The following GRIA3 variants were observed in gnomAD, a reference collection of about 807,000 sequenced individuals.
GRIA3 encodes the protein glutamate receptor 3.
A neutral mutation model predicts 63.0 loss-of-function variants in GRIA3; 3 were observed. The observed-to-expected ratio is 0.05, with a 90% CI of 0.02 to 0.12. The LOEUF (loss-of-function observed/expected upper bound fraction) is 0.12, where lower values mean the gene tolerates loss of function less well. Ranked by LOEUF, GRIA3 falls within the 10% of genes least tolerant of loss-of-function variation. GRIA3 has a pLI of 1.00. For missense variants in GRIA3, 347 were observed against 700.9 expected (o/e 0.50, Z 5.70); for synonymous variants, 274 against 257.9 (o/e 1.06, Z -0.60).
intron 2 of GRIA3, among the ~76,000 whole-genome samples, chrX:123,211,243 C>T (rs751241076): frequency 2.9e-4 from 32 of 111,378 alleles, no homozygotes; most frequent in African/African-American, 9.8e-4. Context: ...ATTTTAGGTG[C>T]TATACGTGAT....
At chrX:123,414,511 T>G (rs2045524798) in intron 10 of GRIA3, among the ~76,000 whole-genome samples, 2 of 111,423 alleles carry the variant, frequency 1.8e-5, no homozygotes, top group South Asian at 3.8e-4. Context: ...CCATGTTGGT[T>G]TGCTGCACCA....
intron 2 of GRIA3, among the ~76,000 whole-genome samples, chrX:123,186,867 C>T (rs984258739): frequency 2.7e-5 from 3 of 111,641 alleles, no homozygotes; most frequent in African/African-American, 9.8e-5. Context: ...TTAGTTGTAC[C>T]GGGTGATTAT....
intron 5 of GRIA3, among the ~76,000 whole-genome samples, chrX:123,392,376 G>T (rs753311625): frequency 1.8e-5 from 2 of 111,396 alleles, no homozygotes; most frequent in Non-Finnish European, 3.8e-5. Flanking sequence ...AGGGGCTGTT[G>T]GGCCCCTGGT....
intron 3 of GRIA3, among the ~76,000 whole-genome samples, chrX:123,311,760 G>A (rs761107148): frequency 1.7e-4 from 19 of 111,943 alleles, no homozygotes; most frequent in African/African-American, 5.8e-4. Flanking sequence ...GTATCCCTGT[G>A]AGCCTGAAAA....
Position 123,291,436 on chromosome X carries a change from C to A in GRIA3, c.509-34590C>A, listed in dbSNP as rs918674245. 7.5e-4 allele frequency among the ~76,000 whole-genome samples: 83 copies of A among 110,551 alleles called. 1 individual carries two copies. Among genetic ancestry groups the A allele is most frequent in the Non-Finnish European group, 3.8e-4 (20 of 52,733 alleles). On this transcript the variant is annotated intron_variant, in intron 3 of 15. Transcript: ENST00000620443. ...CTACTGAGAGAGGGAGAGAAGAAGG[C>A]AAGAGTTGAAAAACTGTTGGGTGCT...
chrX:123,429,239 C>T (rs2045605156), intron 12 of GRIA3, among the ~76,000 whole-genome samples: 1 of 112,104 alleles, frequency 8.9e-6, no homozygotes, highest in Non-Finnish European at 1.9e-5. Context: ...TACATTTCTA[C>T]ATGTATTATC....
rs777574280 is a variant in GRIA3, at chrX:123,465,044, G to A, written c.2256G>A (p.Thr752=). 1.1e-5 allele frequency: 13 copies of A among 1,206,712 alleles called. No individual in the cohort carries two copies. Among genetic ancestry groups the A allele is most frequent in the African/African-American group, 7.0e-5 (4 of 56,894 alleles). Residue 752 remains threonine (T), a synonymous_variant, in exon 13 of 16, where the codon ACG becomes ACA. Coordinates refer to ENST00000620443, the MANE Select transcript of GRIA3 (RefSeq NM_007325.5). ...EYIEQRKPCD[T]MKVGGNLDSK... ...TTGAGCAGAGAAAACCATGTGATACGATGAAAGTTGGTGGAAATCTGGATT... is the reference window on the plus strand; with the variant it reads ...TTGAGCAGAGAAAACCATGTGATACAATGAAAGTTGGTGGAAATCTGGATT...
At chrX:123,426,702 C>G (rs758355950) in intron 11 of GRIA3, among the ~76,000 whole-genome samples, 2 of 112,355 alleles carry the variant, frequency 1.8e-5, no homozygotes, top group East Asian at 5.6e-4. Context: ...TGCATTTTAA[C>G]AAACACCTCA....
chrX:123,353,780 G>A (rs1032068768), intron 4 of GRIA3, among the ~76,000 whole-genome samples: 1 of 111,165 alleles, frequency 9.0e-6, no homozygotes, highest in African/African-American at 3.3e-5. Context: ...ACAAAACCTG[G>A]TTCCACCTCT....
chrX:123,484,990 T>C (rs1161101619), intron 15 of GRIA3, among the ~76,000 whole-genome samples: 2 of 112,774 alleles, frequency 1.8e-5, no homozygotes, highest in African/African-American at 6.4e-5. Context: ...TCCCATTGCA[T>C]TGGTGGATGT....
intron 12 of GRIA3, among the ~76,000 whole-genome samples, chrX:123,447,696 G>T (rs2045710104): frequency 8.9e-6 from 1 of 111,852 alleles, no homozygotes. Context: ...TCTGTTTGGG[G>T]CTTTTGGTAT....
chrX:123,358,791 A>G (rs1376536103), intron 5 of GRIA3: 2 of 111,934 alleles, frequency 1.8e-5, no homozygotes, highest in African/African-American at 6.5e-5. Flanking sequence ...CAGCCTCTCA[A>G]TCTCTCATGG....
chrX:123,270,422 C>T (rs1197008085), intron 3 of GRIA3, among the ~76,000 whole-genome samples: 4 of 112,171 alleles, frequency 3.6e-5, no homozygotes, highest in African/African-American at 1.3e-4. Context: ...ATAGCCACTA[C>T]CCTCACTGAC....
intron 5 of GRIA3, among the ~76,000 whole-genome samples, chrX:123,375,611 G>T (rs2045280298): frequency 9.0e-6 from 1 of 111,479 alleles, no homozygotes; most frequent in Non-Finnish European, 1.9e-5. Flanking sequence ...TGTTATATTA[G>T]TTCTTTGCTG....
intron 3 of GRIA3, among the ~76,000 whole-genome samples, chrX:123,276,802 G>A (rs2044557134): frequency 9.0e-6 from 1 of 111,167 alleles, no homozygotes; most frequent in Non-Finnish European, 1.9e-5. Context: ...CTTCCCTACT[G>A]CCTCTAGAGC....
At chrX:123,392,695 T>A (rs919756243) in intron 5 of GRIA3, among the ~76,000 whole-genome samples, 18 of 111,823 alleles carry the variant, frequency 1.6e-4, no homozygotes, top group Non-Finnish European at 3.2e-4. Flanking sequence ...ATTCCTTGAG[T>A]CAGATGTTTC....
intron 10 of GRIA3, among the ~76,000 whole-genome samples, chrX:123,412,923 G>GA (rs1446764366): frequency 1.4e-4 from 14 of 103,102 alleles, no homozygotes; most frequent in East Asian, 6.0e-4. Context: ...AAACAATCCA[G>GA]AAAAAAAAAA....
intron 2 of GRIA3, among the ~76,000 whole-genome samples, chrX:123,236,844 A>G (rs755976185): frequency 2.2e-4 from 25 of 111,893 alleles, no homozygotes; most frequent in Non-Finnish European, 4.1e-4. Flanking sequence ...TATGAGCCAA[A>G]TTATACTGAG....
At chrX:123,328,760 T>C (rs745846944) in intron 4 of GRIA3, among the ~76,000 whole-genome samples, 5 of 112,183 alleles carry the variant, frequency 4.5e-5, no homozygotes, top group Non-Finnish European at 9.4e-5. Flanking sequence ...GGCAAAAAAG[T>C]ACCTACAGTT....
Sources: allele counts gnomAD v4.1 joint callset (sites outside exome capture counted in the v4.1 genomes callset), GRCh38; gene constraint gnomAD v4.1.1; transcripts MANE v1.5; gene names NCBI Gene and HGNC (gene_info 2026-07-23, HGNC 2026-07-21).